Variants in CRACDL observed in about 807,000 individuals in gnomAD.
CRACDL encodes CRACD-like protein.
In CRACDL, 26 loss-of-function variants were observed where a neutral mutation model predicts 70.6. The ratio of observed to expected loss-of-function variants is 0.37; its 90% CI spans 0.27 to 0.51. The LOEUF is 0.51. Ranked by LOEUF, CRACDL falls within the 20% of genes least tolerant of loss-of-function variation. CRACDL has a pLI of 0.94. For missense variants in CRACDL, 1,283 were observed against 1,376.9 expected (o/e 0.93, Z 1.08); for synonymous variants, 618 against 615.2 (o/e 1.00, Z -0.07).
intron 1 of CRACDL, among the ~76,000 whole-genome samples, chr2:98,895,109 T>TA (rs570033692): frequency 1.7e-4 from 26 of 150,788 alleles, no homozygotes; most frequent in Admixed American, 2.6e-4. Flanking sequence ...GACCCTGTCT[T>TA]AAAAAAAAAC....
chr2:98,883,574 G>A (rs1276686902), intron 1 of CRACDL, among the ~76,000 whole-genome samples: 4 of 152,228 alleles, frequency 2.6e-5, no homozygotes, highest in African/African-American at 9.7e-5. Flanking sequence ...AGGGGCAGCA[G>A]CATATTGCTC....
At chr2:98,908,693 G>T (rs181185389) in intron 1 of CRACDL, among the ~76,000 whole-genome samples, 2 of 152,332 alleles carry the variant, frequency 1.3e-5, no homozygotes, top group South Asian at 2.1e-4. Flanking sequence ...CAAGGCTCGG[G>T]TTTCCAAGGT....
chr2:98,807,825 G>C (rs1704379537), intron 7 of CRACDL, among the ~76,000 whole-genome samples: 1 of 152,196 alleles, frequency 6.6e-6, no homozygotes, highest in Admixed American at 6.5e-5. Context: ...AGCTGATAGA[G>C]GGGGGCAGGC....
At chr2:98,903,282 C>A (rs1375419610) in intron 1 of CRACDL, among the ~76,000 whole-genome samples, 1 of 152,128 alleles carries the variant, frequency 6.6e-6, no homozygotes, top group Non-Finnish European at 1.5e-5. Context: ...CATAGACTCA[C>A]GGCAAGGCTC....
At position 98,823,231 on chromosome 2, in the gene CRACDL, G is replaced by A; in HGVS notation, c.1042C>T (p.Pro348Ser). The A allele has an allele frequency of 7.1e-7, 1 of 1,406,994 alleles. No individual in the cohort carries two copies. The highest frequency in any genetic ancestry group is 9.2e-7 in the Non-Finnish European group (1 of 1,086,604). The allele number at this position is 1,406,994 out of a possible 1,614,324, so 87.2% of individuals were successfully genotyped here. A position where few individuals can be genotyped will look rare whatever the true frequency, so the allele number is the denominator to read the frequency against. ...GACGGGGGCTCCACGCGGAGAGTGG[G>A]GGCCGACTCGGGCTCGGCGAGCTCC... ...TPELAEPESA[P>S]TLRVEPPSPP... The change falls in exon 7 of 10, where the codon CCC becomes TCC. Residue 348 changes from proline (P) to serine (S), a missense_variant. Pro to Ser is a moderately conservative substitution (Grantham distance 74). Coordinates refer to ENST00000397899, the MANE Select transcript of CRACDL (RefSeq NM_207362.3). The surrounding 1 kb of genome is among the most constrained non-coding windows in gnomAD (Gnocchi z 4.0).
chr2:98,841,543 C>G (rs1414056063), intron 2 of CRACDL, among the ~76,000 whole-genome samples: 1 of 152,116 alleles, frequency 6.6e-6, no homozygotes, highest in African/African-American at 2.4e-5. Flanking sequence ...CATGTTCACA[C>G]AGGTGTATCC....
intron 1 of CRACDL, among the ~76,000 whole-genome samples, chr2:98,909,707 C>T (rs764476310): frequency 2.6e-5 from 4 of 152,204 alleles, no homozygotes; most frequent in Non-Finnish European, 5.9e-5. Context: ...TGGCACCAAA[C>T]GCTCCATCTG....
At chr2:98,909,063 T>C (rs1207445717) in intron 1 of CRACDL, among the ~76,000 whole-genome samples, 1 of 152,186 alleles carries the variant, frequency 6.6e-6, no homozygotes, top group Non-Finnish European at 1.5e-5. Flanking sequence ...CGTCCTGAGT[T>C]TAAGCCTCAC....
At chr2:98,914,239 A>G (rs1039328242) in intron 1 of CRACDL, among the ~76,000 whole-genome samples, 3 of 152,240 alleles carry the variant, frequency 2.0e-5, no homozygotes, top group African/African-American at 7.2e-5. Flanking sequence ...AATTGCAGAC[A>G]TGGGAAGGGG....
chr2:98,879,589 C>T (rs1445416629), intron 1 of CRACDL, among the ~76,000 whole-genome samples: 1 of 152,210 alleles, frequency 6.6e-6, no homozygotes, highest in South Asian at 2.1e-4. Flanking sequence ...CACTCTGTTG[C>T]CTAGGCTGGA....
At chr2:98,841,973 T>C (rs1337694937) in intron 2 of CRACDL, among the ~76,000 whole-genome samples, 2 of 152,142 alleles carry the variant, frequency 1.3e-5, no homozygotes, top group Non-Finnish European at 2.9e-5. Context: ...TTTCTCAGAC[T>C]CATTTTAAGA....
intron 5 of CRACDL, 126 bp downstream of exon 5, chr2:98,832,222 G>T: frequency 1.0e-6 from 1 of 953,638 alleles, no homozygotes. Flanking sequence ...GTAGGCTCCA[G>T]TGACCCAGTT....
chr2:98,823,055 G>A lies in CRACDL; in HGVS notation c.1218C>T (p.Ile406=). The A allele has an allele frequency of 2.6e-6, 4 of 1,566,428 alleles. No homozygotes were observed. In the South Asian group the frequency reaches 3.5e-5, roughly 14 times the overall value. ...EDVASPFPTA[I]PEGDTTPPET... Reference sequence around the variant, plus strand: ...CGGGGGGAGTCGTGTCCCCCTCAGGGATGGCGGTGGGAAACGGGCTCGCGA... The same window carrying A: ...CGGGGGGAGTCGTGTCCCCCTCAGGAATGGCGGTGGGAAACGGGCTCGCGA... Residue 406 remains isoleucine (I), a synonymous_variant, in exon 7 of 10, where the codon ATC becomes ATT. Transcript: ENST00000397899. The surrounding 1 kb of genome is among the most constrained non-coding windows in gnomAD (Gnocchi z 4.0).
At chr2:98,801,725 C>G (rs1419066845) in intron 7 of CRACDL, among the ~76,000 whole-genome samples, 1 of 152,206 alleles carries the variant, frequency 6.6e-6, no homozygotes, top group Non-Finnish European at 1.5e-5. Flanking sequence ...GTCTATACCT[C>G]TCAGCGTGGT....
At chr2:98,928,332 C>A (rs1032903565) in intron 1 of CRACDL, among the ~76,000 whole-genome samples, 2 of 152,196 alleles carry the variant, frequency 1.3e-5, no homozygotes, top group Non-Finnish European at 2.9e-5. Flanking sequence ...GAAGGCTCTG[C>A]CCCAAATGTT....
At chr2:98,902,529 T>C (rs576889624) in intron 1 of CRACDL, among the ~76,000 whole-genome samples, 5 of 152,108 alleles carry the variant, frequency 3.3e-5, no homozygotes, top group Non-Finnish European at 7.4e-5. Flanking sequence ...GCACAGGCGT[T>C]CTGGTCTTCG....
intron 1 of CRACDL, among the ~76,000 whole-genome samples, chr2:98,875,970 C>T (rs1707479747): frequency 6.6e-6 from 1 of 152,174 alleles, no homozygotes; most frequent in Non-Finnish European, 1.5e-5. Flanking sequence ...GCTTGCTTTC[C>T]TCTTGGTCAG....
intron 2 of CRACDL, 36 bp downstream of exon 2, chr2:98,846,695 A>G (rs1706268243): frequency 6.4e-7 from 1 of 1,565,638 alleles, no homozygotes; most frequent in African/African-American, 1.4e-5. Flanking sequence ...CAACAAAGCA[A>G]GTGCCCTCCC....
At chr2:98,818,543 A>G (rs953185027) in intron 7 of CRACDL, among the ~76,000 whole-genome samples, 1 of 152,150 alleles carries the variant, frequency 6.6e-6, no homozygotes, top group East Asian at 1.9e-4. Flanking sequence ...ACTATCTGGG[A>G]GCTCTGGGCA....
Sources: allele counts gnomAD v4.1 joint callset (sites outside exome capture counted in the v4.1 genomes callset), GRCh38; gene constraint gnomAD v4.1.1; non-coding constraint Gnocchi (gnomAD v3.1); transcripts MANE v1.5; gene names NCBI Gene and HGNC (gene_info 2026-07-23, HGNC 2026-07-21).